The following TSPAN5 variants were observed in gnomAD, a reference collection of about 807,000 sequenced individuals.
The protein encoded by TSPAN5 is tetraspanin 5, also known as tetraspanin-5.
A neutral mutation model predicts 37.1 loss-of-function variants in TSPAN5; 10 were observed. That is an observed-to-expected ratio of 0.27 (90% CI 0.17 to 0.46). The LOEUF (loss-of-function observed/expected upper bound fraction) is 0.46, where lower values mean the gene tolerates loss of function less well. Among genes scored for constraint, TSPAN5 ranks in the 20% least tolerant of loss-of-function variants. The probability of loss-of-function intolerance (pLI) is 1.00; values close to 1 mark genes in which losing one functional copy is unlikely to be tolerated. For synonymous variants in TSPAN5, 110 were observed against 118.9 expected (o/e 0.93, Z 0.48); for missense variants, 195 against 326.6 (o/e 0.60, Z 3.11).
chr4:98,622,632 C>T (rs1367930914), intron 1 of TSPAN5, among the ~76,000 whole-genome samples: 1 of 152,152 alleles, frequency 6.6e-6, no homozygotes, highest in Non-Finnish European at 1.5e-5. Context: ...AACATGAGTT[C>T]AGTTTTGAAC....
chr4:98,647,865 TAA>T (rs59286533), intron 1 of TSPAN5, among the ~76,000 whole-genome samples: 10 of 143,250 alleles, frequency 7.0e-5, no homozygotes, highest in East Asian at 2.0e-4. Context: ...TTGTTTTGTT[TAA>T]AAAAAAAAAA....
chr4:98,588,901 C>T (rs1240856365), intron 1 of TSPAN5, among the ~76,000 whole-genome samples: 1 of 152,126 alleles, frequency 6.6e-6, no homozygotes, highest in African/African-American at 2.4e-5. Flanking sequence ...TATAACATAT[C>T]ATTTTATCCT....
At chr4:98,656,341 G>A (rs1021462139) in intron 1 of TSPAN5, among the ~76,000 whole-genome samples, 2 of 152,116 alleles carry the variant, frequency 1.3e-5, no homozygotes, top group African/African-American at 4.8e-5. Context: ...TTTTGTTGCT[G>A]GGTAGCTAAA....
At chr4:98,610,752 A>G (rs780154508) in intron 1 of TSPAN5, among the ~76,000 whole-genome samples, 6 of 152,150 alleles carry the variant, frequency 3.9e-5, no homozygotes, top group Admixed American at 1.3e-4. Flanking sequence ...TCTGTTAGCT[A>G]ACAACTCACT....
intron 1 of TSPAN5, among the ~76,000 whole-genome samples, chr4:98,628,788 C>A (rs981403404): frequency 5.9e-5 from 9 of 152,192 alleles, no homozygotes; most frequent in African/African-American, 2.2e-4. Context: ...TACTACTCAA[C>A]TTGCTGATAT....
chr4:98,638,999 A>G (rs1756911775), intron 1 of TSPAN5, among the ~76,000 whole-genome samples: 1 of 152,204 alleles, frequency 6.6e-6, no homozygotes, highest in Non-Finnish European at 1.5e-5. Flanking sequence ...TTTGTCCCAG[A>G]AAGAGACACT....
intron 4 of TSPAN5, among the ~76,000 whole-genome samples, chr4:98,480,215 AATTTGATAAATTTTGACATCTGTATAC>A (rs2110257812): frequency 6.6e-6 from 1 of 152,288 alleles, no homozygotes; most frequent in African/African-American, 2.4e-5. Flanking sequence ...TAAAGTATAC[AATTTGATAAATTTTGACATCTGTATAC>A]ATCACAAAAA....
intron 1 of TSPAN5, among the ~76,000 whole-genome samples, chr4:98,590,560 AT>A (rs2110206938): frequency 6.6e-6 from 1 of 152,212 alleles, no homozygotes; most frequent in Admixed American, 6.5e-5. Flanking sequence ...AATACAAAAA[AT>A]TAGCCAGGTG....
chr4:98,492,550 C>T (rs1047478659), intron 2 of TSPAN5, among the ~76,000 whole-genome samples: 1 of 152,142 alleles, frequency 6.6e-6, no homozygotes, highest in Non-Finnish European at 1.5e-5. Context: ...CCTCCATGCA[C>T]GTAAACGCAC....
intron 1 of TSPAN5, among the ~76,000 whole-genome samples, chr4:98,576,453 G>T (rs185442256): frequency 6.6e-6 from 1 of 152,262 alleles, no homozygotes; most frequent in Admixed American, 6.5e-5. Flanking sequence ...ATGTCATGGG[G>T]CCATGAGCAG....
At chr4:98,508,359 T>C (rs573119394) in intron 1 of TSPAN5, among the ~76,000 whole-genome samples, 2 of 152,194 alleles carry the variant, frequency 1.3e-5, no homozygotes, top group South Asian at 2.1e-4. Flanking sequence ...ACACAGAGTA[T>C]ACAACACATG....
intron 2 of TSPAN5, among the ~76,000 whole-genome samples, chr4:98,488,461 T>C (rs1347497653): frequency 6.6e-6 from 1 of 152,210 alleles, no homozygotes; most frequent in East Asian, 1.9e-4. Flanking sequence ...AACTTAAACC[T>C]AATTTTAAAA....
intron 1 of TSPAN5, among the ~76,000 whole-genome samples, chr4:98,601,476 G>A (rs1346884040): frequency 2.0e-5 from 3 of 152,174 alleles, no homozygotes; most frequent in Non-Finnish European, 4.4e-5. Flanking sequence ...TTTATGTTAT[G>A]AAGATGGCTG....
At chr4:98,519,527 G>C (rs1477949391) in intron 1 of TSPAN5, among the ~76,000 whole-genome samples, 2 of 151,880 alleles carry the variant, frequency 1.3e-5, no homozygotes, top group African/African-American at 4.8e-5. Context: ...AAGAGGAAAG[G>C]CAAGGAAAAA....
chr4:98,527,168 C>G (rs905535245), intron 1 of TSPAN5, among the ~76,000 whole-genome samples: 4 of 152,116 alleles, frequency 2.6e-5, no homozygotes, highest in African/African-American at 9.7e-5. Context: ...GAGAATCAGA[C>G]AGGTTATATA....
intron 1 of TSPAN5, among the ~76,000 whole-genome samples, chr4:98,602,090 C>T (rs7670572): frequency 0.12 from 18,921 of 152,026 alleles, 1,327 homozygotes; most frequent in African/African-American, 0.19. Context: ...TCACAGATCA[C>T]CATAACAGAT....
At chr4:98,513,789 T>C (rs559427161) in intron 1 of TSPAN5, among the ~76,000 whole-genome samples, 13 of 152,218 alleles carry the variant, frequency 8.5e-5, no homozygotes, top group Non-Finnish European at 1.6e-4. Context: ...GTTTGTATAC[T>C]TTTAAAAAAT....
intron 3 of TSPAN5, chr4:98,483,203 C>T (rs1330121402): frequency 6.6e-6 from 1 of 152,290 alleles, no homozygotes; most frequent in Admixed American, 6.5e-5. Context: ...ACATGGGCCA[C>T]AACTGCTGGG....
chr4:98,485,911 G>A (rs79557065), intron 3 of TSPAN5, among the ~76,000 whole-genome samples: 8,152 of 151,960 alleles, frequency 0.054, 702 homozygotes, highest in African/African-American at 0.19. Flanking sequence ...AGCAAATGAA[G>A]GTGGGTGCTT....
Sources: allele counts gnomAD v4.1 joint callset (sites outside exome capture counted in the v4.1 genomes callset), GRCh38; gene constraint gnomAD v4.1.1; transcripts MANE v1.5; gene names NCBI Gene and HGNC (gene_info 2026-07-23, HGNC 2026-07-21).